Variants in PARVB observed in about 807,000 individuals in gnomAD.
PARVB encodes parvin beta.
PARVB carries 46 observed loss-of-function variants against 47.0 expected under a neutral mutation model. The observed-to-expected ratio is 0.98, with a 90% CI of 0.77 to 1.25. The LOEUF (loss-of-function observed/expected upper bound fraction) is 1.25. PARVB is among the 50% of genes most tolerant of loss of function. PARVB has a pLI of 0.00. For synonymous variants in PARVB, 196 were observed against 196.3 expected, an observed-to-expected ratio of 1.00 and a Z score of 0.01; for missense variants, 473 against 471.6, an observed-to-expected ratio of 1.00 and a Z score of -0.03.
intron 1 of PARVB, among the ~76,000 whole-genome samples, chr22:44,087,293 T>C (rs1233306737): frequency 6.6e-6 from 1 of 152,212 alleles, no homozygotes; most frequent in Non-Finnish European, 1.5e-5. Flanking sequence ...AAAGTCCCCG[T>C]AGGTGGCAAA....
chr22:44,164,043 C>T, intron 12 of PARVB, 113 bp downstream of exon 12: 1 of 705,178 alleles, frequency 1.4e-6, no homozygotes, highest in Non-Finnish European at 2.3e-6. Context: ...GGCCCCACGT[C>T]TCTGGCTCTG....
At chr22:44,081,678 G>A in intron 1 of PARVB, 2 of 960,680 alleles carry the variant, frequency 2.1e-6, no homozygotes, top group Non-Finnish European at 2.5e-6. Context: ...TGCTGGAAGT[G>A]AGCAGCGGGT....
chr22:44,097,875 T>C (rs1451667890), intron 2 of PARVB, among the ~76,000 whole-genome samples: 3 of 152,016 alleles, frequency 2.0e-5, no homozygotes, highest in African/African-American at 7.2e-5. Context: ...CCTTTCACAG[T>C]CTCTGGGTCA....
At chr22:44,090,513 G>C (rs961726581) in intron 1 of PARVB, among the ~76,000 whole-genome samples, 3 of 152,212 alleles carry the variant, frequency 2.0e-5, no homozygotes, top group African/African-American at 7.2e-5. Context: ...CAATTTCTAG[G>C]CTTTCAAAAT....
Position 44,006,319 on chromosome 22 carries a change from C to T in PARVB, c.211+6646C>T, listed in dbSNP as rs536765340. On this transcript the variant is annotated intron_variant, in intron 2 of 13. Coordinates refer to the PARVB transcript ENST00000406477. ...CTCCAAGTGTAGTGCAGGAATCTGA[C>T]GATACATTAGAAATGCAGAGTCCTG... Among the ~76,000 whole-genome samples the T allele has an allele frequency of 4.6e-4, 70 of 152,280 alleles. 1 individual carries two copies. The highest frequency in any genetic ancestry group is 1.1e-3 in the African/African-American group (44 of 41,572).
intron 11 of PARVB, 147 bp downstream of exon 11, chr22:44,158,230 ACT>A: frequency 1.7e-6 from 1 of 597,560 alleles, no homozygotes; most frequent in African/African-American, 1.9e-5. Context: ...ATTAGATGTA[ACT>A]CTCAGCAAAA....
At chr22:44,162,727 G>A (rs979724909) in intron 11 of PARVB, 11 of 152,258 alleles carry the variant, frequency 7.2e-5, no homozygotes, top group African/African-American at 2.4e-4. Flanking sequence ...CTTGGCTTGC[G>A]GCAGGTGGGT....
chr22:44,170,468 C>T lies in PARVB; in HGVS notation c.*1790C>T, dbSNP rs1417298559. ...TGGATTTGTGGGGGGCATAATTTGCCTTGTACCGGGAGGATATGAAGTGTT... is the reference window on the plus strand; with the variant it reads ...TGGATTTGTGGGGGGCATAATTTGCTTTGTACCGGGAGGATATGAAGTGTT... On this transcript the variant is annotated 3_prime_UTR_variant, in exon 13 of 13. Coordinates refer to ENST00000338758, the MANE Select transcript of PARVB (RefSeq NM_013327.5). 2.0e-5 allele frequency: 3 copies of T among 152,202 alleles called. No homozygotes were observed. Among genetic ancestry groups the T allele is most frequent in the Non-Finnish European group, 4.4e-5 (3 of 68,062 alleles). The allele number at this position is 152,202 out of a possible 1,614,324, so 9.4% of individuals were successfully genotyped here.
chr22:44,118,383 A>C (rs1388132460), intron 3 of PARVB, among the ~76,000 whole-genome samples: 1 of 152,230 alleles, frequency 6.6e-6, no homozygotes, highest in East Asian at 1.9e-4. Flanking sequence ...AGATCGAATC[A>C]CACACTTTTA....
intron 1 of PARVB, among the ~76,000 whole-genome samples, chr22:44,037,148 C>T (rs1255483736): frequency 6.6e-6 from 1 of 152,020 alleles, no homozygotes; most frequent in African/African-American, 2.4e-5. Flanking sequence ...ATAGTGAGAC[C>T]TCGTCTCTGC....
At chr22:44,142,460 T>C (rs908797932) in intron 8 of PARVB, 1 of 151,758 alleles carries the variant, frequency 6.6e-6, no homozygotes, top group Non-Finnish European at 1.5e-5. Context: ...TTTGTTTTTT[T>C]TGTGGCGCTG....
At chr22:44,090,226 G>A (rs1205523169) in intron 1 of PARVB, among the ~76,000 whole-genome samples, 1 of 152,256 alleles carries the variant, frequency 6.6e-6, no homozygotes. Flanking sequence ...AAGTGGCAAT[G>A]CGAGATTTGG....
intron 6 of PARVB, 93 bp downstream of exon 6, chr22:44,133,102 C>T (rs1190063919): frequency 2.7e-6 from 2 of 740,152 alleles, no homozygotes; most frequent in Non-Finnish European, 2.2e-6. Context: ...CTCCTTTTTT[C>T]CCCCCAGGAG....
chr22:44,159,982 C>T (rs1435391610), intron 11 of PARVB, among the ~76,000 whole-genome samples: 3 of 152,120 alleles, frequency 2.0e-5, no homozygotes, highest in East Asian at 1.9e-4. Context: ...CTGCTGTCCC[C>T]GAGGGTAGTA....
intron 4 of PARVB, among the ~76,000 whole-genome samples, chr22:44,126,959 T>C (rs1428674573): frequency 6.6e-6 from 1 of 152,170 alleles, no homozygotes; most frequent in South Asian, 2.1e-4. Flanking sequence ...AGAGCAGAAT[T>C]ACAGGGGCAT....
intron 12 of PARVB, among the ~76,000 whole-genome samples, chr22:44,165,697 C>T (rs145856522): frequency 6.6e-6 from 1 of 152,364 alleles, no homozygotes; most frequent in Non-Finnish European, 1.5e-5. Context: ...GTTCATCACA[C>T]AGGACTTGTC....
In PARVB at chr22:44,101,424, TAA is replaced by T. The variant is rs1569113990; in HGVS notation, c.273+1306_273+1307del. On this transcript the variant is annotated intron_variant, in intron 3 of 12. Coordinates refer to ENST00000338758, the MANE Select transcript of PARVB (RefSeq NM_013327.5). ...CTCCGTCTCAAAAAAAAATAAAAAA[TAA>T]AAAATAAAATATAAAATAAAATAAA... 2.9e-5 allele frequency among the ~76,000 whole-genome samples: 4 copies of T among 136,912 alleles called. 1 individual carries two copies. The highest frequency in any genetic ancestry group is 1.2e-4 in the African/African-American group (4 of 32,102). 89.8% of individuals were successfully genotyped at this position (136,912 alleles called of 152,430 possible). A position where few individuals can be genotyped will look rare whatever the true frequency, so the allele number is the denominator to read the frequency against.
intron 8 of PARVB, chr22:44,143,128 A>G (rs552808888): frequency 6.6e-6 from 1 of 152,506 alleles, no homozygotes; most frequent in Non-Finnish European, 1.5e-5. Context: ...AATGTCACTG[A>G]TCAGGGAGGC....
chr22:44,030,096 G>C (rs2050798735), intron 1 of PARVB, among the ~76,000 whole-genome samples: 1 of 151,918 alleles, frequency 6.6e-6, no homozygotes, highest in Non-Finnish European at 1.5e-5. Context: ...TTGTGTAGAT[G>C]ATGGGTTGCC....
Sources: gnomAD v4.1 joint callset for allele counts (sites outside exome capture counted in the v4.1 genomes callset) on GRCh38, gnomAD v4.1.1 for gene constraint, MANE v1.5 for transcripts, NCBI Gene and HGNC (gene_info 2026-07-23, HGNC 2026-07-21) for gene names.